The following CNTNAP5 variants were observed in gnomAD, a reference collection of about 807,000 sequenced individuals.
The protein encoded by CNTNAP5 is contactin-associated protein-like 5.
A neutral mutation model predicts 150.2 loss-of-function variants in CNTNAP5; 72 were observed. The observed-to-expected ratio is 0.48, with a 90% CI of 0.40 to 0.58. The LOEUF (loss-of-function observed/expected upper bound fraction) is 0.58, where lower values mean the gene tolerates loss of function less well. Ranked by LOEUF, CNTNAP5 falls within the 20% of genes least tolerant of loss-of-function variation. CNTNAP5 has a pLI of 0.00. For synonymous variants in CNTNAP5, 672 were observed against 619.8 expected, an observed-to-expected ratio of 1.08 and a Z score of -1.25; for missense variants, 1,636 against 1,626.2, an observed-to-expected ratio of 1.01 and a Z score of -0.10.
At chr2:124,511,007 C>T (rs1299588751) in intron 8 of CNTNAP5, among the ~76,000 whole-genome samples, 17 of 152,202 alleles carry the variant, frequency 1.1e-4, no homozygotes, top group Admixed American at 1.1e-3. Flanking sequence ...GTCATGTGGT[C>T]ATGAGGCTCT....
At chr2:124,260,983 TGA>T in intron 3 of CNTNAP5, among the ~76,000 whole-genome samples, 1 of 152,282 alleles carries the variant, frequency 6.6e-6, no homozygotes, top group South Asian at 2.1e-4. Flanking sequence ...AAAAGCATCT[TGA>T]GAGATAATTT....
intron 7 of CNTNAP5, among the ~76,000 whole-genome samples, chr2:124,504,084 G>A (rs752766169): frequency 7.2e-5 from 11 of 152,102 alleles, no homozygotes; most frequent in Admixed American, 1.3e-4. Flanking sequence ...CCTCTTTGCA[G>A]ATAGCATTGT....
intron 14 of CNTNAP5, among the ~76,000 whole-genome samples, chr2:124,748,616 G>A (rs1259484018): frequency 6.6e-6 from 1 of 152,002 alleles, no homozygotes; most frequent in Non-Finnish European, 1.5e-5. Context: ...TTTCCCTTTA[G>A]TGTTTTTACT....
At chr2:124,299,819 C>G (rs1042287383) in intron 3 of CNTNAP5, among the ~76,000 whole-genome samples, 5 of 152,168 alleles carry the variant, frequency 3.3e-5, no homozygotes, top group Admixed American at 3.3e-4. Context: ...CTTCCTTCAT[C>G]TAAAGCTTAG....
chr2:124,816,815 A>G (rs1258786867), intron 19 of CNTNAP5, among the ~76,000 whole-genome samples: 1 of 152,264 alleles, frequency 6.6e-6, no homozygotes, highest in East Asian at 1.9e-4. Flanking sequence ...GAAAGCAAAT[A>G]TATGTATGTA....
intron 19 of CNTNAP5, among the ~76,000 whole-genome samples, chr2:124,816,444 G>T (rs1473279427): frequency 6.7e-6 from 1 of 148,708 alleles, no homozygotes; most frequent in African/African-American, 2.5e-5. Flanking sequence ...AAAGTTCCTT[G>T]TGGCACTCCC....
intron 19 of CNTNAP5, among the ~76,000 whole-genome samples, chr2:124,841,550 G>A (rs1682945275): frequency 6.6e-6 from 1 of 151,824 alleles, no homozygotes; most frequent in Non-Finnish European, 1.5e-5. Flanking sequence ...TTCCTTCCAA[G>A]CCTTCTCTGA....
chr2:124,770,861 G>C, intron 16 of CNTNAP5, among the ~76,000 whole-genome samples: 1 of 152,190 alleles, frequency 6.6e-6, no homozygotes, highest in East Asian at 1.9e-4. Context: ...CAGGATTCGT[G>C]TCTAAATAAT....
At chr2:124,247,766 G>A (rs936797799) in intron 3 of CNTNAP5, among the ~76,000 whole-genome samples, 2 of 152,120 alleles carry the variant, frequency 1.3e-5, no homozygotes, top group Admixed American at 1.3e-4. Flanking sequence ...GATAGATATT[G>A]TAGACTAAGA....
chr2:124,154,218 T>C (rs1168985955), intron 1 of CNTNAP5, among the ~76,000 whole-genome samples: 3 of 152,260 alleles, frequency 2.0e-5, no homozygotes, highest in African/African-American at 7.2e-5. Context: ...GGTTATTCTA[T>C]GTCTGAGCCA....
intron 3 of CNTNAP5, among the ~76,000 whole-genome samples, chr2:124,310,869 G>GC (rs1038097175): frequency 1.3e-5 from 2 of 152,194 alleles, no homozygotes; most frequent in Non-Finnish European, 2.9e-5. Flanking sequence ...ATAGGTTTAA[G>GC]CCCAGCGCTC....
At chr2:124,123,480 G>A (rs918233028) in intron 1 of CNTNAP5, among the ~76,000 whole-genome samples, 3 of 152,162 alleles carry the variant, frequency 2.0e-5, no homozygotes, top group African/African-American at 7.2e-5. Context: ...TCTGGGGACA[G>A]GGCATAGTTG....
At position 124,777,144 on chromosome 2, in the gene CNTNAP5, G is replaced by A. The variant is rs1476286007; in HGVS notation, c.2752+4127G>A. On this transcript the variant is annotated intron_variant, in intron 17 of 23. Coordinates refer to ENST00000682447, the MANE Select transcript of CNTNAP5 (RefSeq NM_001367498.1). ...GCCACTCAAAAATGCTTCTTTAGTG[G>A]GGAAAAAAAAAAAAAAGATGAAGAA... Among the ~76,000 whole-genome samples the A allele has an allele frequency of 2.7e-5, 4 of 145,986 alleles. No individual in the cohort carries two copies. In the South Asian group the frequency reaches 6.7e-4, roughly 24 times the overall value.
chr2:124,904,330 C>A (rs755725311), intron 22 of CNTNAP5, among the ~76,000 whole-genome samples: 1 of 151,986 alleles, frequency 6.6e-6, no homozygotes, highest in Non-Finnish European at 1.5e-5. Flanking sequence ...CTGAAAATTT[C>A]CAATTGTTTG....
intron 1 of CNTNAP5, among the ~76,000 whole-genome samples, chr2:124,110,836 A>C (rs550020844): frequency 6.6e-6 from 1 of 152,266 alleles, no homozygotes; most frequent in South Asian, 2.1e-4. Flanking sequence ...CATTCAAAGG[A>C]CTTTCACATC....
chr2:124,824,869 G>A (rs974291725), intron 19 of CNTNAP5, among the ~76,000 whole-genome samples: 17 of 152,246 alleles, frequency 1.1e-4, no homozygotes, highest in East Asian at 1.9e-4. Context: ...ATTTATACAC[G>A]TTCCAATCCA....
chr2:124,794,714 C>T (rs1681808478), intron 18 of CNTNAP5, among the ~76,000 whole-genome samples: 1 of 152,056 alleles, frequency 6.6e-6, no homozygotes, highest in African/African-American at 2.4e-5. Context: ...TCCCATTCAC[C>T]GGTTATCTAA....
intron 8 of CNTNAP5, among the ~76,000 whole-genome samples, chr2:124,513,722 G>A (rs1242184372): frequency 6.6e-6 from 1 of 152,228 alleles, no homozygotes; most frequent in Non-Finnish European, 1.5e-5. Context: ...CCAGGAATGA[G>A]TTATACTCAG....
At chr2:124,866,135 C>T (rs1677627653) in intron 20 of CNTNAP5, among the ~76,000 whole-genome samples, 1 of 151,748 alleles carries the variant, frequency 6.6e-6, no homozygotes, top group African/African-American at 2.4e-5. Context: ...TGGTGGCACG[C>T]ACCTATAATC....
Sources: gnomAD v4.1 joint callset for allele counts (sites outside exome capture counted in the v4.1 genomes callset) on GRCh38, gnomAD v4.1.1 for gene constraint, MANE v1.5 for transcripts, NCBI Gene and HGNC (gene_info 2026-07-23, HGNC 2026-07-21) for gene names.